Variants in GALNT14 observed in about 807,000 individuals in gnomAD.
The protein encoded by GALNT14 is UDP-GalNAc:polypeptide N-acetylgalactosaminyltransferase 14.
In GALNT14, 60 loss-of-function variants were observed where a neutral mutation model predicts 77.5. The ratio of observed to expected loss-of-function variants is 0.77; its 90% confidence interval spans 0.63 to 0.96. GALNT14 has a LOEUF of 0.96. Ranked by LOEUF, GALNT14 falls within the 40% of genes least tolerant of loss-of-function variation. GALNT14 has a pLI of 0.00. For missense variants in GALNT14, 710 were observed against 731.0 expected (o/e 0.97, Z 0.33); for synonymous variants, 280 against 281.7 (o/e 0.99, Z 0.06).
chr2:30,946,700 C>T (rs1048929600), intron 6 of GALNT14, among the ~76,000 whole-genome samples: 1 of 152,124 alleles, frequency 6.6e-6, no homozygotes, highest in African/African-American at 2.4e-5. Flanking sequence ...GGGAAGGTGA[C>T]CCCAAGACTG....
At chr2:30,925,079 T>C (rs1315000403) in intron 11 of GALNT14, among the ~76,000 whole-genome samples, 1 of 152,176 alleles carries the variant, frequency 6.6e-6, no homozygotes, top group African/African-American at 2.4e-5. Flanking sequence ...TACTTGAAGA[T>C]GGAATTTGGG....
intron 1 of GALNT14, 97 bp from the exon 2 acceptor site, chr2:30,993,104 T>TC: frequency 7.5e-7 from 1 of 1,336,822 alleles, no homozygotes; most frequent in Non-Finnish European, 1.0e-6. Context: ...CCAGGCTTAT[T>TC]CTGGCAAGGT....
chr2:30,905,895 A>G (rs1355383286), downstream of GALNT14, among the ~76,000 whole-genome samples: 22 of 152,170 alleles, frequency 1.4e-4, no homozygotes, highest in Admixed American at 9.2e-4. Context: ...GAAGAGAGTC[A>G]GGGCCAATAT....
intron 1 of GALNT14, among the ~76,000 whole-genome samples, chr2:31,088,710 G>A (rs373923301): frequency 2.0e-5 from 3 of 152,196 alleles, no homozygotes; most frequent in Non-Finnish European, 2.9e-5. Context: ...ATATGCAGTC[G>A]GGTGGGGTTA....
chr2:30,896,352 T>C, the GALNT14 span, among the ~76,000 whole-genome samples: 1 of 152,182 alleles, frequency 6.6e-6, no homozygotes, highest in East Asian at 1.9e-4. Flanking sequence ...TTATTTGTTA[T>C]TTTATCTTCA....
chr2:31,015,329 C>T (rs1164202936), intron 1 of GALNT14, among the ~76,000 whole-genome samples: 2 of 151,222 alleles, frequency 1.3e-5, no homozygotes, highest in Non-Finnish European at 1.5e-5. Context: ...GATGGGAACT[C>T]ACTCTCTGCC....
intron 1 of GALNT14, among the ~76,000 whole-genome samples, chr2:30,998,013 C>T (rs552496885): frequency 2.6e-4 from 40 of 152,106 alleles, no homozygotes; most frequent in Non-Finnish European, 5.3e-4. Context: ...CACATATAAA[C>T]GAGATCATTA....
intron 4 of GALNT14, 72 bp downstream of exon 4, chr2:30,958,325 C>T: frequency 7.5e-7 from 1 of 1,336,250 alleles, no homozygotes; most frequent in Non-Finnish European, 1.1e-6. Context: ...CCAGTGGACT[C>T]ACCTCTGCCT....
the GALNT14 span, among the ~76,000 whole-genome samples, chr2:30,898,482 T>A: frequency 6.6e-6 from 1 of 152,188 alleles, no homozygotes; most frequent in Non-Finnish European, 1.5e-5. Flanking sequence ...TTTCAATCAA[T>A]CTCACGGTAA....
At chr2:31,115,935 CT>C (rs562299633) in intron 1 of GALNT14, among the ~76,000 whole-genome samples, 22 of 152,264 alleles carry the variant, frequency 1.4e-4, no homozygotes, top group Admixed American at 9.8e-4. Context: ...GCAGGAGGAT[CT>C]TTTGGGCCCA....
chr2:31,067,415 G>A (rs916974448), intron 1 of GALNT14, among the ~76,000 whole-genome samples: 8 of 152,182 alleles, frequency 5.3e-5, no homozygotes, highest in South Asian at 2.1e-4. Context: ...AGGGGTCACC[G>A]AGAGACTCAG....
In GALNT14 at chr2:30,945,888, C is replaced by G. The variant is rs188748876; in HGVS notation, c.655-18G>C. 1 of 1,610,742 alleles carries G rather than the reference C, an allele frequency of 6.2e-7. No individual in the cohort carries two copies. The highest frequency in any genetic ancestry group is 1.1e-5 in the South Asian group (1 of 90,990). ...GTGTAGTCCTGTAAGACAACAGACCCGCACTTAGCTTATGGAGAGGAGCCC... is the reference window on the plus strand; with the variant it reads ...GTGTAGTCCTGTAAGACAACAGACCGGCACTTAGCTTATGGAGAGGAGCCC... On this transcript the variant is annotated intron_variant, in intron 6 of 14. Coordinates refer to ENST00000349752, the MANE Select transcript of GALNT14 (RefSeq NM_024572.4).
intron 3 of GALNT14, among the ~76,000 whole-genome samples, chr2:30,965,973 G>A (rs1184732501): frequency 1.3e-5 from 2 of 152,168 alleles, no homozygotes. Context: ...TTGACCTTCT[G>A]CACGTTACCT....
chr2:30,946,159 T>C (rs1350009984), intron 6 of GALNT14, among the ~76,000 whole-genome samples: 1 of 152,010 alleles, frequency 6.6e-6, no homozygotes, highest in African/African-American at 2.4e-5. Context: ...CTGGAGAGTA[T>C]TGCACACCCA....
chr2:31,033,015 G>T (rs1318977383), intron 1 of GALNT14, among the ~76,000 whole-genome samples: 1 of 152,106 alleles, frequency 6.6e-6, no homozygotes, highest in Non-Finnish European at 1.5e-5. Context: ...ACATCCTAGG[G>T]TCCTGAAACT....
intron 2 of GALNT14, among the ~76,000 whole-genome samples, chr2:30,968,568 C>G (rs1668149451): frequency 6.6e-6 from 1 of 152,186 alleles, no homozygotes; most frequent in African/African-American, 2.4e-5. Flanking sequence ...TGAAGGCTGG[C>G]ACCAACTTGC....
chr2:30,955,761 G>A, intron 5 of GALNT14, 22 bp from the exon 6 acceptor site: 1 of 1,613,522 alleles, frequency 6.2e-7, no homozygotes, highest in Non-Finnish European at 8.5e-7. Context: ...AACAAATGAC[G>A]AAGTGGGTGC....
At chr2:31,115,845 A>G (rs1309585447) in intron 1 of GALNT14, among the ~76,000 whole-genome samples, 3 of 152,054 alleles carry the variant, frequency 2.0e-5, no homozygotes, top group African/African-American at 7.3e-5. Flanking sequence ...ACATAGCAAG[A>G]CCCTATTTTT....
At chr2:30,897,675 G>T in the GALNT14 span, among the ~76,000 whole-genome samples, 1 of 152,202 alleles carries the variant, frequency 6.6e-6, no homozygotes, top group East Asian at 1.9e-4. Flanking sequence ...TGCGCATGGC[G>T]TAGCTTCTCC....
Sources: allele counts gnomAD v4.1 joint callset (sites outside exome capture counted in the v4.1 genomes callset), GRCh38; gene constraint gnomAD v4.1.1; transcripts MANE v1.5; gene names NCBI Gene and HGNC (gene_info 2026-07-23, HGNC 2026-07-21).